NLGN1: variants seen among roughly 807,000 people sequenced by gnomAD.
The protein encoded by NLGN1 is neuroligin 1, also known as neuroligin-1.
NLGN1 carries 12 observed loss-of-function variants against 65.5 expected under a neutral mutation model. That is an observed-to-expected ratio of 0.18 (90% CI 0.12 to 0.30). NLGN1 has a LOEUF of 0.30. Ranked by LOEUF, NLGN1 falls within the 10% of genes least tolerant of loss-of-function variation. NLGN1 has a pLI of 1.00. For synonymous variants in NLGN1, 350 were observed against 359.5 expected (o/e 0.97, Z 0.30); for missense variants, 750 against 1,007.1 (o/e 0.74, Z 3.46).
rs983677763 is a variant in NLGN1, at chr3:173,740,264, A to G, written c.494-67416A>G. Among the ~76,000 whole-genome samples, 7 of 151,710 alleles carry G rather than the reference A, an allele frequency of 4.6e-5. No individual in the cohort carries two copies. The South Asian group carries it at 1.2e-3, about 27-fold the overall frequency. ...CTGGTATATATGGAACGAGACAGTT[A>G]GTTAGAAGGAACTCAGTGATTTTGT... is the stretch of plus-strand genomic sequence containing the variant. On this transcript the variant is annotated intron_variant, in intron 3 of 6. Coordinates refer to ENST00000457714, the Ensembl canonical transcript of NLGN1.
At chr3:174,148,903 T>C (rs1166291375) in intron 4 of NLGN1, among the ~76,000 whole-genome samples, 1 of 152,204 alleles carries the variant, frequency 6.6e-6, no homozygotes, top group African/African-American at 2.4e-5. Context: ...TCCACAGGCA[T>C]ACCAAATGAA....
At chr3:173,412,311 G>GACGCGCACAC (rs1553842761) in intron 1 of NLGN1, among the ~76,000 whole-genome samples, 2 of 147,522 alleles carry the variant, frequency 1.4e-5, no homozygotes, top group African/African-American at 2.5e-5. Flanking sequence ...CTCTCACTCT[G>GACGCGCACAC]ACACACACAC....
intron 3 of NLGN1, among the ~76,000 whole-genome samples, chr3:173,651,851 G>C (rs1759231465): frequency 6.6e-6 from 1 of 152,038 alleles, no homozygotes; most frequent in Non-Finnish European, 1.5e-5. Flanking sequence ...GGAGTGCAGT[G>C]GCGTGGTCTT....
intron 2 of NLGN1, among the ~76,000 whole-genome samples, chr3:173,486,463 T>C (rs1463648514): frequency 6.6e-6 from 1 of 152,134 alleles, no homozygotes; most frequent in Non-Finnish European, 1.5e-5. Context: ...GAACCTTACA[T>C]GGAAATTATC....
intron 3 of NLGN1, among the ~76,000 whole-genome samples, chr3:173,762,963 G>GAC (rs1244141933): frequency 1.7e-5 from 1 of 57,388 alleles, no homozygotes. Context: ...ATTTGTCTCT[G>GAC]ATACACACAC....
chr3:173,571,379 G>A (rs1193968698), intron 2 of NLGN1, among the ~76,000 whole-genome samples: 1 of 152,180 alleles, frequency 6.6e-6, no homozygotes, highest in Non-Finnish European at 1.5e-5. Flanking sequence ...GCTGAAAGCT[G>A]TCTCTAGGTG....
intron 4 of NLGN1, among the ~76,000 whole-genome samples, chr3:173,938,649 G>A (rs1745456329): frequency 6.6e-6 from 1 of 152,172 alleles, no homozygotes; most frequent in South Asian, 2.1e-4. Flanking sequence ...AGGATCAAAT[G>A]AGTAATTAAT....
intron 3 of NLGN1, among the ~76,000 whole-genome samples, chr3:173,744,895 G>A (rs1054937431): frequency 6.6e-6 from 1 of 151,732 alleles, no homozygotes; most frequent in African/African-American, 2.4e-5. Context: ...CTGCTACCGT[G>A]TATACCAACA....
chr3:173,948,164 T>G (rs1337761287), intron 4 of NLGN1, among the ~76,000 whole-genome samples: 1 of 152,196 alleles, frequency 6.6e-6, no homozygotes, highest in Non-Finnish European at 1.5e-5. Context: ...CAGGTTTCCT[T>G]TTTAGAGTTG....
intron 4 of NLGN1, among the ~76,000 whole-genome samples, chr3:173,956,505 T>C (rs2152338369): frequency 6.6e-6 from 1 of 152,286 alleles, no homozygotes; most frequent in South Asian, 2.1e-4. Flanking sequence ...AAATTTTATG[T>C]GTCCTAAATT....
At chr3:173,701,330 A>T (rs1244648468) in intron 3 of NLGN1, among the ~76,000 whole-genome samples, 1 of 152,192 alleles carries the variant, frequency 6.6e-6, no homozygotes, top group Non-Finnish European at 1.5e-5. Flanking sequence ...GCCTCAGTGT[A>T]GTCACAGGAA....
intron 4 of NLGN1, among the ~76,000 whole-genome samples, chr3:174,073,728 TG>T (rs565082191): frequency 8.0e-4 from 122 of 152,312 alleles, no homozygotes; most frequent in African/African-American, 2.7e-3. Flanking sequence ...CCAAAACTTC[TG>T]GAATATGATG....
At chr3:174,251,843 T>A (rs190107091) in intron 4 of NLGN1, among the ~76,000 whole-genome samples, 1 of 152,290 alleles carries the variant, frequency 6.6e-6, no homozygotes, top group African/African-American at 2.4e-5. Context: ...GTAAAGAAAG[T>A]ATTTTCTTTG....
chr3:173,558,876 G>A (rs142242533), intron 2 of NLGN1, among the ~76,000 whole-genome samples: 62 of 143,650 alleles, frequency 4.3e-4, no homozygotes, highest in African/African-American at 1.6e-3. Flanking sequence ...AGTGAATATT[G>A]TAGTAAAGGC....
rs1333664192 is a variant in NLGN1 at position 174,216,762 on chromosome 3, C to A, written c.647-58553C>A. 2.0e-5 allele frequency among the ~76,000 whole-genome samples: 3 copies of A among 152,088 alleles called. No homozygotes were observed. The East Asian group carries it at 5.8e-4, about 29-fold the overall frequency. ...AGGTCAGCTCAGAAAACCCTGGAAT[C>A]AGGACCTGTCATGTGAAATTGATGA... On this transcript the variant is annotated intron_variant, in intron 4 of 6. Transcript: ENST00000457714.
intron 2 of NLGN1, among the ~76,000 whole-genome samples, chr3:173,584,398 C>CCTT (rs1746934744): frequency 1.7e-5 from 1 of 58,560 alleles, no homozygotes; most frequent in Non-Finnish European, 3.1e-5. Context: ...GGGTCCTCGG[C>CCTT]ATTTTTTTTT....
chr3:174,268,312 A>T (rs1748675315), intron 4 of NLGN1, among the ~76,000 whole-genome samples: 1 of 152,146 alleles, frequency 6.6e-6, no homozygotes, highest in South Asian at 2.1e-4. Context: ...TGTTGTCCAG[A>T]TGCATATAGA....
At chr3:173,799,819 T>C (rs1291528026) in intron 3 of NLGN1, among the ~76,000 whole-genome samples, 2 of 151,684 alleles carry the variant, frequency 1.3e-5, no homozygotes, top group African/African-American at 4.8e-5. Context: ...AAGAAGAAAA[T>C]AGAAAAAGAG....
At chr3:173,682,261 T>C (rs958144440) in intron 3 of NLGN1, among the ~76,000 whole-genome samples, 2 of 152,096 alleles carry the variant, frequency 1.3e-5, no homozygotes, top group African/African-American at 4.8e-5. Context: ...TTCATACAAA[T>C]ATTGCCTTTA....
Sources: allele counts gnomAD v4.1 joint callset (sites outside exome capture counted in the v4.1 genomes callset), GRCh38; gene constraint gnomAD v4.1.1; transcripts MANE v1.5; gene names NCBI Gene and HGNC (gene_info 2026-07-23, HGNC 2026-07-21).